The following FLVCR1 variants were observed in gnomAD, a reference collection of about 807,000 sequenced individuals.
The protein encoded by FLVCR1 is choline/ethanolamine transporter FLVCR1.
Under a neutral mutation model 53.6 loss-of-function variants are expected in FLVCR1, and 34 were observed. The observed-to-expected ratio is 0.63, with a 90% CI of 0.48 to 0.84. The LOEUF (loss-of-function observed/expected upper bound fraction) is 0.84, where lower values mean the gene tolerates loss of function less well. FLVCR1 is among the 40% of genes least tolerant of loss of function. The pLI is 0.00. For synonymous variants in FLVCR1, 300 were observed against 286.3 expected, an observed-to-expected ratio of 1.05 and a Z score of -0.48; for missense variants, 677 against 696.7, an observed-to-expected ratio of 0.97 and a Z score of 0.32.
chr1:212,880,378 G>T (rs1664890444), intron 3 of FLVCR1, among the ~76,000 whole-genome samples: 1 of 152,166 alleles, frequency 6.6e-6, no homozygotes, highest in Non-Finnish European at 1.5e-5. Flanking sequence ...CTCATTCTTA[G>T]TTATCAAAAT....
intron 8 of FLVCR1, 127 bp from the exon 9 acceptor site, chr1:212,894,859 G>A (rs1167054258): frequency 9.4e-6 from 7 of 748,212 alleles, no homozygotes; most frequent in African/African-American, 1.7e-5. Context: ...TTAGGCTGTT[G>A]GGATGCTATT....
intron 3 of FLVCR1, 136 bp downstream of exon 3, chr1:212,872,954 T>A: frequency 1.2e-6 from 1 of 842,896 alleles, no homozygotes; most frequent in Non-Finnish European, 1.9e-6. Flanking sequence ...GAACTTAAAC[T>A]AAAAGCAGAA....
chr1:212,895,240 C>G lies in FLVCR1; in HGVS notation c.1618C>G (p.Gln540Glu), dbSNP rs1236761521. Residue 540 changes from glutamine (Q) to glutamate (E), a missense_variant, in exon 10 of 10, where the codon CAA (glutamine) becomes GAA (glutamate). By Grantham distance (29) the Gln-to-Glu change is conservative. Transcript: ENST00000366971. ...GATACCAGCTGACAGTCCCACAGAC[C>G]AAGAACCAAAAACGGTTATGTTGTC... ...KAIPADSPTD[Q>E]EPKTVMLSKQ... 4 of 1,612,934 alleles carry G rather than the reference C, an allele frequency of 2.5e-6. No homozygotes were observed. The highest frequency in any genetic ancestry group is 1.1e-5 in the South Asian group (1 of 91,028).
intron 3 of FLVCR1, among the ~76,000 whole-genome samples, chr1:212,881,464 C>G (rs1339678951): frequency 1.3e-5 from 2 of 151,940 alleles, no homozygotes; most frequent in Non-Finnish European, 2.9e-5. Context: ...TCAACCTCCC[C>G]AGTAGCTGGG....
chr1:212,885,549 T>TA (rs1665037793), intron 5 of FLVCR1, 153 bp downstream of exon 5: 19 of 405,468 alleles, frequency 4.7e-5, no homozygotes, highest in Admixed American at 1.4e-4. Context: ...AACAAGTGTT[T>TA]CTTTTTTTTT....
At position 212,895,416 on chromosome 1, in the gene FLVCR1, C is replaced by T; in HGVS notation, c.*126C>T. ...ATAAACACACTTACTTGAAAATTAC[C>T]ATATGAACTCTAAATGCATAATTAT... On this transcript the variant is annotated 3_prime_UTR_variant, in exon 10 of 10. Coordinates refer to ENST00000366971, the MANE Select transcript of FLVCR1 (RefSeq NM_014053.4). 1 of 718,902 alleles carries T rather than the reference C, an allele frequency of 1.4e-6. No individual in the cohort carries two copies. Among genetic ancestry groups the T allele is most frequent in the South Asian group, 1.5e-5 (1 of 65,418 alleles). The allele number at this position is 718,902 out of a possible 1,614,324, so 44.5% of individuals were successfully genotyped here. A position where few individuals can be genotyped will look rare whatever the true frequency, so the allele number is the denominator to read the frequency against.
intron 4 of FLVCR1, among the ~76,000 whole-genome samples, chr1:212,883,839 C>CT (rs34065564): frequency 1.8e-3 from 264 of 143,456 alleles, no homozygotes; most frequent in African/African-American, 5.2e-3. Context: ...TATGAATCTC[C>CT]TTTTTTTTTT....
intron 3 of FLVCR1, 125 bp downstream of exon 3, chr1:212,872,943 T>G (rs1352097775): frequency 5.4e-6 from 5 of 931,534 alleles, no homozygotes; most frequent in Non-Finnish European, 6.7e-6. Flanking sequence ...AGCATAATCA[T>G]GAACTTAAAC....
intron 8 of FLVCR1, among the ~76,000 whole-genome samples, chr1:212,894,291 C>T (rs1030221723): frequency 2.0e-5 from 3 of 152,060 alleles, no homozygotes; most frequent in African/African-American, 7.2e-5. Flanking sequence ...GTAGTTGGGA[C>T]TACAGGTGCG....
chr1:212,885,220 G>T, intron 4 of FLVCR1, 73 bp from the exon 5 acceptor site: 2 of 987,254 alleles, frequency 2.0e-6, no homozygotes, highest in Non-Finnish European at 1.6e-6. Flanking sequence ...ACTATGAAAA[G>T]GTGTGGGAAT....
At chr1:212,863,387 C>T (rs947191968) in intron 1 of FLVCR1, among the ~76,000 whole-genome samples, 2 of 151,996 alleles carry the variant, frequency 1.3e-5, no homozygotes, top group Admixed American at 6.6e-5. Flanking sequence ...GTCAGGAGTT[C>T]GACACCAGCC....
At chr1:212,888,996 C>T (rs1022374345) in intron 7 of FLVCR1, 150 bp from the exon 8 acceptor site, 7 of 639,792 alleles carry the variant, frequency 1.1e-5, no homozygotes, top group Non-Finnish European at 1.9e-5. Context: ...CCAGCCTGAC[C>T]GTGGTTTTTG....
rs758060038 is a variant in FLVCR1, at chr1:212,858,639, G to A, written c.187G>A (p.Val63Ile). The A allele has an allele frequency of 7.1e-6, 11 of 1,539,626 alleles. 1 individual carries two copies. The South Asian group carries it at 9.5e-5, about 13-fold the overall frequency. The change falls in exon 1 of 10, where the codon GTT becomes ATT. Residue 63 changes from valine to isoleucine, a missense_variant. By Grantham distance (29) the Val-to-Ile change is conservative. Transcript: ENST00000366971. The stretch of plus-strand genomic sequence containing the variant: ...GGACAGCCTCGCTGCCGCCTCGGGA[G>A]TTCTGGGCGGGCCTCAGACTCCACT... ...PRDSLAAASG[V>I]LGGPQTPLAP...
chr1:212,884,149 A>G (rs551477941), intron 4 of FLVCR1, among the ~76,000 whole-genome samples: 1 of 152,262 alleles, frequency 6.6e-6, no homozygotes, highest in African/African-American at 2.4e-5. Flanking sequence ...AAAATACAAA[A>G]TTAGCTGGGC....
rs1156821528 is a variant in FLVCR1 at position 212,898,764 on chromosome 1, A to G, written c.*3474A>G. On this transcript the variant is annotated 3_prime_UTR_variant, in exon 10 of 10. Coordinates refer to ENST00000366971, the MANE Select transcript of FLVCR1 (RefSeq NM_014053.4). ...TGTGTGAACATCATGAAGTGTACTT[A>G]CACAAACCTAGGTGGTAGAGCCTAC... is the stretch of plus-strand genomic sequence containing the variant. 2 of 152,356 alleles carry G rather than the reference A, an allele frequency of 1.3e-5. No homozygotes were observed. The allele number at this position is 152,356 out of a possible 1,614,324, so 9.4% of individuals were successfully genotyped here.
intron 3 of FLVCR1, among the ~76,000 whole-genome samples, chr1:212,879,974 A>ATTTTT (rs34468539): frequency 6.7e-6 from 1 of 148,912 alleles, no homozygotes. Context: ...ATAACATAGT[A>ATTTTT]TTTTTTTTTT....
At chr1:212,864,126 T>C (rs1664338903) in intron 2 of FLVCR1, among the ~76,000 whole-genome samples, 1 of 152,168 alleles carries the variant, frequency 6.6e-6, no homozygotes, top group South Asian at 2.1e-4. Context: ...TAACTGTTGG[T>C]TTCAAATATA....
intron 5 of FLVCR1, among the ~76,000 whole-genome samples, chr1:212,886,607 T>G (rs754259178): frequency 1.3e-5 from 2 of 151,918 alleles, no homozygotes; most frequent in Non-Finnish European, 2.9e-5. Flanking sequence ...CGAGACCAGC[T>G]TGGGCAACAT....
At chr1:212,863,657 T>C in intron 1 of FLVCR1, 68 bp from the exon 2 acceptor site, 1 of 1,354,108 alleles carries the variant, frequency 7.4e-7, no homozygotes, top group Admixed American at 1.7e-5. Context: ...CTTTATGTTC[T>C]GTTAATTGCC....
Sources: allele counts gnomAD v4.1 joint callset (sites outside exome capture counted in the v4.1 genomes callset), GRCh38; gene constraint gnomAD v4.1.1; transcripts MANE v1.5; gene names NCBI Gene and HGNC (gene_info 2026-07-23, HGNC 2026-07-21).